The following ZNF423 variants were observed in gnomAD, a reference collection of about 807,000 sequenced individuals.
ZNF423 encodes the protein Ebf-associated zinc finger protein.
A neutral mutation model predicts 95.8 loss-of-function variants in ZNF423; 12 were observed. The observed-to-expected ratio is 0.13, with a 90% CI of 0.08 to 0.20. The LOEUF is 0.20. Among genes scored for constraint, ZNF423 ranks in the 10% least tolerant of loss-of-function variants. The pLI is 1.00. For missense variants in ZNF423, 1,316 were observed against 1,737.1 expected, an observed-to-expected ratio of 0.76 and a Z score of 4.31; for synonymous variants, 749 against 711.9, an observed-to-expected ratio of 1.05 and a Z score of -0.83.
chr16:49,745,300 T>G (rs888264731), intron 2 of ZNF423, among the ~76,000 whole-genome samples: 1 of 152,240 alleles, frequency 6.6e-6, no homozygotes, highest in South Asian at 2.1e-4. Flanking sequence ...AAAACACTTA[T>G]GTTACTAAAG....
At chr16:49,491,481 T>C (rs1420643047) in intron 7 of ZNF423, among the ~76,000 whole-genome samples, 177 bp from the exon 8 acceptor site, 1 of 151,218 alleles carries the variant, frequency 6.6e-6, no homozygotes, top group Non-Finnish European at 1.5e-5. Context: ...CACGTTGATT[T>C]GGGGCTTGGG....
intron 1 of ZNF423, among the ~76,000 whole-genome samples, chr16:49,809,185 G>C (rs537748798): frequency 3.3e-5 from 5 of 152,252 alleles, no homozygotes; most frequent in Non-Finnish European, 5.9e-5. Flanking sequence ...AGATGGGCCA[G>C]GAAAATCAGT....
At chr16:49,673,792 G>A (rs558283475) in intron 3 of ZNF423, among the ~76,000 whole-genome samples, 2 of 152,298 alleles carry the variant, frequency 1.3e-5, no homozygotes, top group East Asian at 3.9e-4. Flanking sequence ...CAAGCATCAC[G>A]CACTCCACGT....
chr16:49,787,133 C>T (rs900321228), intron 2 of ZNF423, among the ~76,000 whole-genome samples: 2 of 152,140 alleles, frequency 1.3e-5, no homozygotes, highest in Non-Finnish European at 1.5e-5. Flanking sequence ...ACATCGCCCA[C>T]GTCCAGGGCT....
chr16:49,508,920 A>G (rs1190871335), intron 7 of ZNF423, among the ~76,000 whole-genome samples: 1 of 152,176 alleles, frequency 6.6e-6, no homozygotes, highest in Non-Finnish European at 1.5e-5. Flanking sequence ...CAATTAAACT[A>G]CAGCACACAA....
At chr16:49,696,198 G>C (rs1181512173) in intron 3 of ZNF423, among the ~76,000 whole-genome samples, 1 of 152,202 alleles carries the variant, frequency 6.6e-6, no homozygotes, top group Non-Finnish European at 1.5e-5. Context: ...TCGCTTGAAT[G>C]ACAAAGGTCT....
chr16:49,814,298 ATCCCC>A (rs1202457087), intron 1 of ZNF423, among the ~76,000 whole-genome samples: 1 of 152,062 alleles, frequency 6.6e-6, no homozygotes, highest in African/African-American at 2.4e-5. Context: ...GGGGGATGAC[ATCCCC>A]GACATGTCCT....
At chr16:49,628,650 T>C (rs1485180228) in intron 4 of ZNF423, among the ~76,000 whole-genome samples, 2 of 152,206 alleles carry the variant, frequency 1.3e-5, no homozygotes, top group Non-Finnish European at 2.9e-5. Context: ...GGGGACACTG[T>C]TCCTGCCAAC....
intron 2 of ZNF423, among the ~76,000 whole-genome samples, chr16:49,771,852 T>C (rs1394694661): frequency 1.3e-5 from 2 of 152,090 alleles, no homozygotes; most frequent in Non-Finnish European, 2.9e-5. Flanking sequence ...ACAGAGAAAA[T>C]TCAGCTCCCA....
intron 2 of ZNF423, among the ~76,000 whole-genome samples, chr16:49,751,705 C>T (rs556441542): frequency 1.3e-5 from 2 of 152,294 alleles, no homozygotes; most frequent in African/African-American, 4.8e-5. Flanking sequence ...GATCTTCAAA[C>T]CCATGCTGGG....
At chr16:49,568,685 G>A (rs765841349) in intron 5 of ZNF423, among the ~76,000 whole-genome samples, 7 of 152,046 alleles carry the variant, frequency 4.6e-5, no homozygotes, top group South Asian at 4.1e-4. Context: ...TGCTGTCTGC[G>A]CAAGCCTTTG....
chr16:49,801,037 T>C (rs1327227408), intron 1 of ZNF423, among the ~76,000 whole-genome samples: 1 of 152,224 alleles, frequency 6.6e-6, no homozygotes, highest in East Asian at 1.9e-4. Flanking sequence ...TGAGAAGAAC[T>C]GAAGACAACA....
intron 7 of ZNF423, among the ~76,000 whole-genome samples, chr16:49,509,702 T>A (rs1967802565): frequency 6.6e-6 from 1 of 152,040 alleles, no homozygotes; most frequent in Non-Finnish European, 1.5e-5. Flanking sequence ...CAGGCAGCCA[T>A]CCCCGCTCCC....
chr16:49,849,875 C>T (rs538941931), intron 1 of ZNF423, among the ~76,000 whole-genome samples: 48 of 152,330 alleles, frequency 3.2e-4, no homozygotes, highest in Non-Finnish European at 6.6e-4. Flanking sequence ...GTTTTCACAG[C>T]ACCAATCTAT....
At chr16:49,678,479 C>T (rs2031217009) in intron 3 of ZNF423, among the ~76,000 whole-genome samples, 1 of 152,152 alleles carries the variant, frequency 6.6e-6, no homozygotes, top group Non-Finnish European at 1.5e-5. Context: ...GTTGACAGTC[C>T]AGTGGGGGAA....
At chr16:49,532,317 T>G (rs1416708166) in intron 5 of ZNF423, among the ~76,000 whole-genome samples, 1 of 152,130 alleles carries the variant, frequency 6.6e-6, no homozygotes, top group Non-Finnish European at 1.5e-5. Context: ...TCTCCACCCT[T>G]CGGTGTCCTC....
intron 7 of ZNF423, among the ~76,000 whole-genome samples, chr16:49,497,053 T>TC (rs1228689232): frequency 1.3e-5 from 2 of 151,560 alleles, no homozygotes; most frequent in Non-Finnish European, 2.9e-5. Context: ...CTCCCCATAA[T>TC]CCCCCCTGGC....
intron 2 of ZNF423, among the ~76,000 whole-genome samples, chr16:49,739,033 G>A (rs1054377528): frequency 8.6e-5 from 13 of 151,892 alleles, no homozygotes; most frequent in Admixed American, 3.9e-4. Context: ...AGGGACTGTC[G>A]GGGATGACAG....
chr16:49,522,275 G>T (rs1322393729), intron 7 of ZNF423, among the ~76,000 whole-genome samples: 1 of 152,168 alleles, frequency 6.6e-6, no homozygotes, highest in South Asian at 2.1e-4. Flanking sequence ...GGGCATGCCC[G>T]CGGGACTTAC....
Sources: gnomAD v4.1 joint callset for allele counts (sites outside exome capture counted in the v4.1 genomes callset) on GRCh38, gnomAD v4.1.1 for gene constraint, MANE v1.5 for transcripts, NCBI Gene and HGNC (gene_info 2026-07-23, HGNC 2026-07-21) for gene names.